The following EED variants were observed in gnomAD, a reference collection of about 807,000 sequenced individuals.
The protein encoded by EED is polycomb protein EED.
A neutral mutation model predicts 61.0 loss-of-function variants in EED; 9 were observed. That is an observed-to-expected ratio of 0.15 (90% CI 0.09 to 0.26). EED has a LOEUF of 0.26. EED is among the 10% of genes least tolerant of loss of function. EED has a pLI of 1.00. For missense variants in EED, 315 were observed against 542.3 expected (o/e 0.58, Z 4.16); for synonymous variants, 187 against 174.4 (o/e 1.07, Z -0.57).
At chr11:86,249,514 T>C (rs1182068957) in intron 1 of EED, among the ~76,000 whole-genome samples, 3 of 152,132 alleles carry the variant, frequency 2.0e-5, no homozygotes, top group African/African-American at 7.2e-5. Context: ...AATCCTCTTC[T>C]GAGATTAGAG....
At chr11:86,261,772 C>T (rs1387300968) in intron 6 of EED, among the ~76,000 whole-genome samples, 1 of 152,226 alleles carries the variant, frequency 6.6e-6, no homozygotes, top group African/African-American at 2.4e-5. Context: ...ACTTGAGCCC[C>T]TTCAAGCTAT....
chr11:86,275,861 T>C (rs1946216984), intron 9 of EED, among the ~76,000 whole-genome samples: 1 of 152,212 alleles, frequency 6.6e-6, no homozygotes, highest in Non-Finnish European at 1.5e-5. Flanking sequence ...CATATAGCAC[T>C]AGGATTTAAA....
chr11:86,250,130 A>G (rs1945493697), intron 1 of EED, among the ~76,000 whole-genome samples, 166 bp from the exon 2 acceptor site: 1 of 152,052 alleles, frequency 6.6e-6, no homozygotes, highest in Non-Finnish European at 1.5e-5. Context: ...AAACCTTCTA[A>G]CCTGTAGCTG....
At chr11:86,246,722 C>T (rs539061232) in intron 1 of EED, among the ~76,000 whole-genome samples, 1 of 152,122 alleles carries the variant, frequency 6.6e-6, no homozygotes, top group Non-Finnish European at 1.5e-5. Flanking sequence ...CATTTTATTT[C>T]TGCGTTTTCT....
intron 9 of EED, 60 bp downstream of exon 9, chr11:86,268,621 G>GTGTGTGTA: frequency 1.8e-6 from 2 of 1,114,468 alleles, no homozygotes; most frequent in South Asian, 1.7e-5. Context: ...GTGTGTGTGT[G>GTGTGTGTA]TGTGTATGTG....
At chr11:86,251,585 C>T (rs554260702) in intron 2 of EED, among the ~76,000 whole-genome samples, 2 of 152,272 alleles carry the variant, frequency 1.3e-5, no homozygotes, top group Non-Finnish European at 2.9e-5. Context: ...CTTTGTACAT[C>T]TCCTATAGCC....
chr11:86,263,711 G>T (rs982655034), intron 6 of EED, among the ~76,000 whole-genome samples: 1 of 152,116 alleles, frequency 6.6e-6, no homozygotes, highest in Non-Finnish European at 1.5e-5. Context: ...AAATTTATTT[G>T]GCTCCTGTTT....
chr11:86,284,832 C>T, the EED span, among the ~76,000 whole-genome samples: 3 of 152,192 alleles, frequency 2.0e-5, no homozygotes, highest in Non-Finnish European at 4.4e-5. Context: ...ACTCCTTGGG[C>T]CGGGTGCGGT....
intron 1 of EED, among the ~76,000 whole-genome samples, chr11:86,247,342 A>G (rs192580417): frequency 8.3e-4 from 127 of 152,348 alleles, no homozygotes; most frequent in African/African-American, 3.0e-3. Flanking sequence ...TGAGGTTACA[A>G]ACAAATTCAA....
chr11:86,284,350 C>T, the EED span: 1 of 152,232 alleles, frequency 6.6e-6, no homozygotes, highest in African/African-American at 2.4e-5. Flanking sequence ...AGTAATCATT[C>T]ATCAAGAGTT....
chr11:86,259,204 G>A (rs1236629452), intron 6 of EED, among the ~76,000 whole-genome samples: 2 of 104,092 alleles, frequency 1.9e-5, no homozygotes, highest in African/African-American at 3.0e-5. Flanking sequence ...TTCCTCTATT[G>A]TGTCAGTAAG....
intron 9 of EED, among the ~76,000 whole-genome samples, chr11:86,269,443 G>T (rs1327251084): frequency 6.6e-6 from 1 of 152,112 alleles, no homozygotes; most frequent in Non-Finnish European, 1.5e-5. Flanking sequence ...TTGCTGTCCG[G>T]TTTCTTTTCT....
At chr11:86,257,426 G>A (rs1945708154) in intron 5 of EED, 89 bp from the exon 6 acceptor site, 5 of 911,326 alleles carry the variant, frequency 5.5e-6, no homozygotes, top group South Asian at 2.1e-5. Flanking sequence ...TACTTTAAGT[G>A]AAACTATTTT....
chr11:86,266,811 GAAT>G (rs1945992423), intron 8 of EED, among the ~76,000 whole-genome samples: 1 of 152,088 alleles, frequency 6.6e-6, no homozygotes. Context: ...ACTGTCTTTA[GAAT>G]CTTATCAGGC....
At chr11:86,245,378 A>C (rs774365411) in intron 1 of EED, 35 bp downstream of exon 1, 4 of 1,537,478 alleles carry the variant, frequency 2.6e-6, no homozygotes, top group Non-Finnish European at 3.6e-6. Context: ...GAGACTGCGG[A>C]GTGAAAGTTT....
the EED span, among the ~76,000 whole-genome samples, chr11:86,287,100 T>C: frequency 1.3e-5 from 2 of 152,198 alleles, no homozygotes; most frequent in African/African-American, 4.8e-5. Context: ...TTTCTTTTTT[T>C]TTTTCTTTTT....
chr11:86,276,329 A>G (rs534635043), intron 9 of EED: 49 of 152,336 alleles, frequency 3.2e-4, no homozygotes, highest in African/African-American at 1.2e-3. Flanking sequence ...TTTGAAGCCT[A>G]TTTCAATCCT....
chr11:86,254,984 A>G (rs1298458243), intron 3 of EED, among the ~76,000 whole-genome samples: 1 of 152,234 alleles, frequency 6.6e-6, no homozygotes, highest in African/African-American at 2.4e-5. Context: ...AATGGATGAA[A>G]TATAAGTTTA....
At chr11:86,258,806 T>C (rs1945753179) in intron 6 of EED, among the ~76,000 whole-genome samples, 1 of 152,074 alleles carries the variant, frequency 6.6e-6, no homozygotes, top group Non-Finnish European at 1.5e-5. Context: ...TCCGCCTGTC[T>C]CAGCCTCCTA....
Sources: gnomAD v4.1 joint callset for allele counts (sites outside exome capture counted in the v4.1 genomes callset) on GRCh38, gnomAD v4.1.1 for gene constraint, MANE v1.5 for transcripts, NCBI Gene and HGNC (gene_info 2026-07-23, HGNC 2026-07-21) for gene names.